The following NECAB1 variants were observed in gnomAD, a reference collection of about 807,000 sequenced individuals.
The protein encoded by NECAB1 is N-terminal EF-hand calcium binding protein 1.
A neutral mutation model predicts 57.5 loss-of-function variants in NECAB1; 29 were observed. The ratio of observed to expected loss-of-function variants is 0.50; its 90% CI spans 0.38 to 0.69. NECAB1 has a LOEUF of 0.69. NECAB1 is among the 30% of genes least tolerant of loss of function. The probability of loss-of-function intolerance (pLI) is 0.00; values close to 1 mark genes in which losing one functional copy is unlikely to be tolerated. For missense variants in NECAB1, 372 were observed against 413.8 expected (o/e 0.90, Z 0.88); for synonymous variants, 142 against 147.7 (o/e 0.96, Z 0.28).
At chr8:90,920,378 T>A (rs1810076929) in intron 6 of NECAB1, among the ~76,000 whole-genome samples, 1 of 152,146 alleles carries the variant, frequency 6.6e-6, no homozygotes. Flanking sequence ...GTGTCTCCTC[T>A]CCCAAGGCTA....
At chr8:90,932,541 A>T (rs185973339) in intron 8 of NECAB1, among the ~76,000 whole-genome samples, 6 of 152,316 alleles carry the variant, frequency 3.9e-5, no homozygotes, top group Admixed American at 3.9e-4. Flanking sequence ...GTTCTCTCTA[A>T]TAAGGTGATA....
intron 5 of NECAB1, 54 bp from the exon 6 acceptor site, chr8:90,917,438 C>T (rs1809980964): frequency 1.3e-6 from 2 of 1,500,952 alleles, no homozygotes; most frequent in African/African-American, 1.4e-5. Flanking sequence ...AAAAAAAAAT[C>T]CTGGGTATTT....
chr8:90,923,349 T>A (rs952204641), intron 6 of NECAB1, among the ~76,000 whole-genome samples: 28 of 150,816 alleles, frequency 1.9e-4, no homozygotes, highest in Middle Eastern at 3.4e-3. Context: ...TGAAATCTCC[T>A]TCATATATTT....
intron 12 of NECAB1, among the ~76,000 whole-genome samples, chr8:90,953,447 T>C (rs1046420973): frequency 3.9e-5 from 6 of 152,354 alleles, no homozygotes; most frequent in South Asian, 2.1e-4. Context: ...CCAGGCTCAA[T>C]ACAATTTAAT....
In NECAB1 at chr8:90,945,926, G is replaced by C. The variant is rs78602764; in HGVS notation, c.861-3881G>C. ...CAAGGAGAAAGACACAGGCTGTTTC[G>C]GGTGAGTAGAATCACATAAGAAACA... On this transcript the variant is annotated intron_variant, in intron 10 of 12. Coordinates refer to ENST00000417640, the MANE Select transcript of NECAB1 (RefSeq NM_022351.5). Among the ~76,000 whole-genome samples the C allele has an allele frequency of 6.5e-4, 99 of 152,252 alleles. 1 individual carries two copies. Among genetic ancestry groups the C allele is most frequent in the African/African-American group, 2.1e-3 (88 of 41,556 alleles).
rs59244524 is a variant in NECAB1, at chr8:90,955,112, TTATATATATATATATATATATA to T, written c.1031-359_1031-338del. On this transcript the variant is annotated intron_variant, in intron 12 of 12. Coordinates refer to ENST00000417640, the MANE Select transcript of NECAB1 (RefSeq NM_022351.5). ...ATTTCATAAATATTGGGTATATAAA[TTATATATATATATATATATATA>T]TATATATATATATATGGCCTAACTA... Among the ~76,000 whole-genome samples, 405 of 70,810 alleles carry T rather than the reference TTATATATATATATATATATATA, an allele frequency of 5.7e-3. 13 individuals carry two copies. Among genetic ancestry groups the T allele is most frequent in the African/African-American group, 0.018 (380 of 21,224 alleles). 46.5% of individuals were successfully genotyped at this position (70,810 alleles called of 152,430 possible).
At chr8:90,897,844 A>G (rs1381421343) in intron 5 of NECAB1, among the ~76,000 whole-genome samples, 1 of 152,216 alleles carries the variant, frequency 6.6e-6, no homozygotes, top group Non-Finnish European at 1.5e-5. Flanking sequence ...GAATGCCTTC[A>G]TTTGTAGGCT....
chr8:90,928,038 C>T (rs1174896697), intron 7 of NECAB1, among the ~76,000 whole-genome samples, 185 bp from the exon 8 acceptor site: 1 of 151,934 alleles, frequency 6.6e-6, no homozygotes, highest in Non-Finnish European at 1.5e-5. Flanking sequence ...GAAGTGAACC[C>T]CTGGGATGCA....
intron 3 of NECAB1, among the ~76,000 whole-genome samples, chr8:90,862,029 T>A (rs999044452): frequency 2.0e-5 from 3 of 152,214 alleles, no homozygotes; most frequent in Non-Finnish European, 4.4e-5. Context: ...CCGTATCAGA[T>A]ACTTTTCAAT....
At chr8:90,928,496 C>A (rs1810330797) in intron 8 of NECAB1, among the ~76,000 whole-genome samples, 197 bp downstream of exon 8, 1 of 152,100 alleles carries the variant, frequency 6.6e-6, no homozygotes, top group African/African-American at 2.4e-5. Context: ...ATTAATTCTC[C>A]CCCTACCTCC....
chr8:90,875,757 A>T (rs1984428), intron 4 of NECAB1, among the ~76,000 whole-genome samples: 54,979 of 149,756 alleles, frequency 0.37, 11,663 homozygotes, highest in East Asian at 0.73. Context: ...TCACGCCTGT[A>T]ATCCCAGCAC....
chr8:90,933,409 A>AATTAATGG (rs1810456629), intron 8 of NECAB1, among the ~76,000 whole-genome samples: 1 of 152,200 alleles, frequency 6.6e-6, no homozygotes, highest in Admixed American at 6.5e-5. Context: ...AAAAGGAATG[A>AATTAATGG]ATTAATGGCA....
intron 5 of NECAB1, among the ~76,000 whole-genome samples, chr8:90,884,638 G>A (rs984431939): frequency 5.9e-5 from 9 of 152,228 alleles, no homozygotes; most frequent in Non-Finnish European, 8.8e-5. Flanking sequence ...AATCCTTTAC[G>A]TATTCAATCC....
At position 90,862,235 on chromosome 8, in the gene NECAB1, C is replaced by T. The variant is rs753385261; in HGVS notation, c.234-9893C>T. Among the ~76,000 whole-genome samples the T allele has an allele frequency of 8.5e-5, 13 of 152,090 alleles. 1 individual carries two copies. The highest frequency in any genetic ancestry group is 6.2e-4 in the South Asian group (3 of 4,814). On this transcript the variant is annotated intron_variant, in intron 3 of 12. Coordinates refer to ENST00000417640, the MANE Select transcript of NECAB1 (RefSeq NM_022351.5). Reference sequence around the variant, plus strand: ...TACAGTTTTCTACTTTCTGATGAAACGGATATATGCATAAATTCGTTAGGA... The same window carrying T: ...TACAGTTTTCTACTTTCTGATGAAATGGATATATGCATAAATTCGTTAGGA...
At chr8:90,858,556 T>C (rs1235169218) in intron 3 of NECAB1, among the ~76,000 whole-genome samples, 1 of 150,954 alleles carries the variant, frequency 6.6e-6, no homozygotes, top group Non-Finnish European at 1.5e-5. Flanking sequence ...TATCTGAGAC[T>C]GAAGAATAAA....
intron 11 of NECAB1, 145 bp from the exon 12 acceptor site, chr8:90,950,968 C>T: frequency 2.5e-6 from 1 of 404,648 alleles, no homozygotes; most frequent in Non-Finnish European, 4.4e-6. Context: ...GAAAGCTGAA[C>T]AACCATTAAA....
At chr8:90,819,700 G>A (rs150508040) in intron 2 of NECAB1, among the ~76,000 whole-genome samples, 60 of 151,964 alleles carry the variant, frequency 3.9e-4, no homozygotes, top group African/African-American at 1.3e-3. Context: ...TTTTGTGGGC[G>A]TGTGTGCCTG....
intron 7 of NECAB1, 65 bp from the exon 8 acceptor site, chr8:90,928,158 T>TA: frequency 8.1e-7 from 1 of 1,232,244 alleles, no homozygotes; most frequent in South Asian, 1.3e-5. Context: ...AGCTCTGATA[T>TA]AACCAAGCAT....
intron 6 of NECAB1, among the ~76,000 whole-genome samples, chr8:90,918,311 T>C (rs1253365221): frequency 2.0e-5 from 3 of 151,838 alleles, no homozygotes; most frequent in African/African-American, 7.3e-5. Context: ...TGAGCCCAGC[T>C]GAGTCAACAA....
Sources: allele counts gnomAD v4.1 joint callset (sites outside exome capture counted in the v4.1 genomes callset), GRCh38; gene constraint gnomAD v4.1.1; transcripts MANE v1.5; gene names NCBI Gene and HGNC (gene_info 2026-07-23, HGNC 2026-07-21).